The following KCTD6 variants were observed in gnomAD, a reference collection of about 807,000 sequenced individuals.
The protein encoded by KCTD6 is BTB/POZ domain-containing protein KCTD6.
KCTD6 carries 6 observed loss-of-function variants against 18.7 expected under a neutral mutation model. The ratio of observed to expected loss-of-function variants is 0.32; its 90% CI spans 0.18 to 0.63. The LOEUF (loss-of-function observed/expected upper bound fraction) is 0.63. Among genes scored for constraint, KCTD6 ranks in the 30% least tolerant of loss-of-function variants. The probability of loss-of-function intolerance (pLI) is 0.79; values close to 1 mark genes in which losing one functional copy is unlikely to be tolerated. For missense variants in KCTD6, 165 were observed against 300.2 expected (o/e 0.55, Z 3.33); for synonymous variants, 86 against 108.5 (o/e 0.79, Z 1.29).
chr3:58,499,034 ATCTT>A (rs1431850597), intron 2 of KCTD6, among the ~76,000 whole-genome samples: 1 of 151,696 alleles, frequency 6.6e-6, no homozygotes, highest in Non-Finnish European at 1.5e-5. Context: ...CAGTGGCGCG[ATCTT>A]GGCTCACTGC....
chr3:58,494,671 C>T (rs974031846), intron 1 of KCTD6, among the ~76,000 whole-genome samples: 3 of 152,114 alleles, frequency 2.0e-5, no homozygotes, highest in African/African-American at 7.2e-5. Flanking sequence ...ACCATTAGGC[C>T]TGTAATTGCA....
Position 58,501,698 on chromosome 3 carries a change from T to A in KCTD6, c.*66T>A, listed in dbSNP as rs1400356047. On this transcript the variant is annotated 3_prime_UTR_variant, in exon 3 of 3. Transcript: ENST00000404589. This position sits in a 1 kb window ranked among gnomAD's most constrained non-coding sequence, Gnocchi z 9.7. ...AAATGGAAGATACTGATTTTTTTTT[T>A]TAAATCACAGTGTGAGATATTTTTT... 4 of 1,089,326 alleles carry A rather than the reference T, an allele frequency of 3.7e-6. No individual in the cohort carries two copies. Among genetic ancestry groups the A allele is most frequent in the Non-Finnish European group, 4.8e-6 (4 of 836,974 alleles). 67.5% of individuals were successfully genotyped at this position (1,089,326 alleles called of 1,614,324 possible).
In KCTD6 at chr3:58,496,051, G is replaced by A. The variant is rs1218335640; in HGVS notation, c.-43-2662G>A. ...CTCATTTAATCATTTGGATATTCAC[G>A]GATTGGAGTTCTTTATGTCACTACA... On this transcript the variant is annotated intron_variant, in intron 1 of 2. Transcript: ENST00000404589. This position sits in a 1 kb window ranked among gnomAD's most constrained non-coding sequence, Gnocchi z 5.1. 6.6e-6 allele frequency among the ~76,000 whole-genome samples: 1 copy of A among 151,894 alleles called. No homozygotes were observed. Among genetic ancestry groups the A allele is most frequent in the East Asian group, 1.9e-4 (1 of 5,190 alleles).
At chr3:58,499,434 C>G (rs535476428) in intron 2 of KCTD6, among the ~76,000 whole-genome samples, 2 of 152,032 alleles carry the variant, frequency 1.3e-5, no homozygotes, top group Middle Eastern at 3.4e-3. Context: ...CTTCTCCCCA[C>G]TTGCATTTTT....
At position 58,497,371 on chromosome 3, in the gene KCTD6, C is replaced by T. The variant is rs2107975021; in HGVS notation, c.-43-1342C>T. 6.6e-6 allele frequency among the ~76,000 whole-genome samples: 1 copy of T among 152,340 alleles called. No individual in the cohort carries two copies. Among genetic ancestry groups the T allele is most frequent in the Admixed American group, 6.5e-5 (1 of 15,308 alleles). ...TCTGGGAATTCTGTGCCAGATTCCT[C>T]TAAAAGTGGGAAAAGTGAATCTGTT... On this transcript the variant is annotated intron_variant, in intron 1 of 2. Coordinates refer to ENST00000404589, the MANE Select transcript of KCTD6 (RefSeq NM_001128214.2). This position sits in a 1 kb window ranked among gnomAD's most constrained non-coding sequence, Gnocchi z 4.2.
At position 58,496,092 on chromosome 3, in the gene KCTD6, G is replaced by A. The variant is rs566431526; in HGVS notation, c.-43-2621G>A. ...TGTCACTACAGACAGGACAGCAACC[G>A]TTATTCACACTAGTTGAATGGGTTC... On this transcript the variant is annotated intron_variant, in intron 1 of 2. Transcript: ENST00000404589. This position sits in a 1 kb window ranked among gnomAD's most constrained non-coding sequence, Gnocchi z 5.1. 1.8e-4 allele frequency among the ~76,000 whole-genome samples: 27 copies of A among 150,612 alleles called. No individual in the cohort carries two copies. In the South Asian group the frequency reaches 4.5e-3, roughly 25 times the overall value.
At position 58,492,574 on chromosome 3, in the gene KCTD6, G is replaced by C. The variant is rs2107972128; in HGVS notation, c.-44+405G>C. Among the ~76,000 whole-genome samples, 1 of 152,262 alleles carries C rather than the reference G, an allele frequency of 6.6e-6. No individual in the cohort carries two copies. Among genetic ancestry groups the C allele is most frequent in the East Asian group, 1.9e-4 (1 of 5,178 alleles). ...AGATATTTGGGGTGTGCTCGAAAAT[G>C]ATTGTTTTTGGGAGATGGCGCTTAT... On this transcript the variant is annotated intron_variant, in intron 1 of 2. Coordinates refer to ENST00000404589, the MANE Select transcript of KCTD6 (RefSeq NM_001128214.2). This position sits in a 1 kb window ranked among gnomAD's most constrained non-coding sequence, Gnocchi z 6.1.
chr3:58,497,663 C>T lies in KCTD6; in HGVS notation c.-43-1050C>T, dbSNP rs955751468. 1 of 152,202 alleles carries T rather than the reference C, an allele frequency of 6.6e-6. No homozygotes were observed. Among genetic ancestry groups the T allele is most frequent in the African/African-American group, 2.4e-5 (1 of 41,444 alleles). 9.4% of individuals were successfully genotyped at this position (152,202 alleles called of 1,614,324 possible). On this transcript the variant is annotated intron_variant, in intron 1 of 2. Transcript: ENST00000404589. The surrounding 1 kb of genome is among the most constrained non-coding windows in gnomAD (Gnocchi z 4.2). ...ATTTCTCAGTGTCTTAAGGCTGGCTCTCCATGAGTGCTGGCTGATTGACTC... is the reference window on the plus strand; with the variant it reads ...ATTTCTCAGTGTCTTAAGGCTGGCTTTCCATGAGTGCTGGCTGATTGACTC...
At chr3:58,494,899 T>G (rs977984644) in intron 1 of KCTD6, among the ~76,000 whole-genome samples, 2 of 152,236 alleles carry the variant, frequency 1.3e-5, no homozygotes, top group African/African-American at 2.4e-5. Context: ...CACAATAACC[T>G]TTGAAGCTTA....
chr3:58,494,128 T>C (rs984824730), intron 1 of KCTD6: 6 of 152,240 alleles, frequency 3.9e-5, no homozygotes, highest in Non-Finnish European at 7.3e-5. Context: ...AGGTCACTTT[T>C]AAACCTATAG....
At position 58,497,406 on chromosome 3, in the gene KCTD6, C is replaced by T. The variant is rs1408516284; in HGVS notation, c.-43-1307C>T. On this transcript the variant is annotated intron_variant, in intron 1 of 2. Transcript: ENST00000404589. The surrounding 1 kb of genome is among the most constrained non-coding windows in gnomAD (Gnocchi z 4.2). ...GAAAAGTGAATCTGTTAAAGGACCA[C>T]GTAAAAAAGCCAGTGCTTTTCCTGG... Among the ~76,000 whole-genome samples, 1 of 152,186 alleles carries T rather than the reference C, an allele frequency of 6.6e-6. No homozygotes were observed. Among genetic ancestry groups the T allele is most frequent in the Non-Finnish European group, 1.5e-5 (1 of 68,036 alleles).
Position 58,501,558 on chromosome 3 carries a change from A to T in KCTD6, c.640A>T (p.Ser214Cys). 1 of 1,463,582 alleles carries T rather than the reference A, an allele frequency of 6.8e-7. No homozygotes were observed. Among genetic ancestry groups the T allele is most frequent in the Non-Finnish European group, 9.0e-7 (1 of 1,108,726 alleles). 90.7% of individuals were successfully genotyped at this position (1,463,582 alleles called of 1,614,324 possible). A position where few individuals can be genotyped will look rare whatever the true frequency, so the allele number is the denominator to read the frequency against. Residue 214 changes from serine to cysteine, a missense_variant, in exon 3 of 3, where the codon AGT (serine) becomes TGT (cysteine). By Grantham distance (112) the Ser-to-Cys change is moderately radical. Around this residue, in one of 2 missense-constraint regions of KCTD6, gnomAD observed 106 missense variants for 230.4 expected, o/e 0.46. Transcript: ENST00000404589. This position sits in a 1 kb window ranked among gnomAD's most constrained non-coding sequence, Gnocchi z 9.7. The part of the protein sequence containing the change: ...TIRNTRVHHM[S>C]ERANENTVEH... ...CCGCAACACCCGGGTGCATCACATG[A>T]GTGAGCGGGCCAATGAAAACACAGT...
rs1372372905 is a variant in KCTD6 at position 58,492,546 on chromosome 3, C to T, written c.-44+377C>T. On this transcript the variant is annotated intron_variant, in intron 1 of 2. Transcript: ENST00000404589. The surrounding 1 kb of genome is among the most constrained non-coding windows in gnomAD (Gnocchi z 6.1). ...GGGCAGCAGCGAAGGGCGGCCCGGA[C>T]GGAGATATTTGGGGTGTGCTCGAAA... 6.6e-6 allele frequency among the ~76,000 whole-genome samples: 1 copy of T among 151,946 alleles called. No individual in the cohort carries two copies. Among genetic ancestry groups the T allele is most frequent in the Non-Finnish European group, 1.5e-5 (1 of 67,936 alleles).
rs1193283996 is a variant in KCTD6 at position 58,493,650 on chromosome 3, A to T, written c.-44+1481A>T. On this transcript the variant is annotated intron_variant, in intron 1 of 2. Transcript: ENST00000404589. The surrounding 1 kb of genome is among the most constrained non-coding windows in gnomAD (Gnocchi z 4.5). The stretch of plus-strand genomic sequence containing the variant: ...GGAGGACCTGGGGAGATTTGAAGCA[A>T]ATTAAGAGGCTGCCTCCTCCATATT... Among the ~76,000 whole-genome samples the T allele has an allele frequency of 6.6e-6, 1 of 152,202 alleles. No individual in the cohort carries two copies. Among genetic ancestry groups the T allele is most frequent in the Non-Finnish European group, 1.5e-5 (1 of 68,034 alleles).
In KCTD6 at chr3:58,501,401, C is replaced by T. The variant is rs1223022487; in HGVS notation, c.483C>T (p.Thr161=). ...TAGAAGGCATCTCAAATTATTTTAC[C>T]AAGTGGAATAAGCACATGATGGACA... ...SLLEGISNYF[T]KWNKHMMDTR... Residue 161 remains threonine, a synonymous_variant, in exon 3 of 3, where the codon ACC becomes ACT. Coordinates refer to ENST00000404589, the MANE Select transcript of KCTD6 (RefSeq NM_001128214.2). This position sits in a 1 kb window ranked among gnomAD's most constrained non-coding sequence, Gnocchi z 9.7. 1.9e-6 allele frequency: 3 copies of T among 1,579,284 alleles called. No individual in the cohort carries two copies. The highest frequency in any genetic ancestry group is 2.6e-6 in the Non-Finnish European group (3 of 1,165,756).
rs1012657825 is a variant in KCTD6, at chr3:58,496,829, A to G, written c.-43-1884A>G. Among the ~76,000 whole-genome samples the G allele has an allele frequency of 6.6e-6, 1 of 152,200 alleles. No homozygotes were observed. ...CTCCACTCCATAGGTGACCCACAAT[A>G]ATTGTTGGCTGAATGAATGATTATT... On this transcript the variant is annotated intron_variant, in intron 1 of 2. Transcript: ENST00000404589. The surrounding 1 kb of genome is among the most constrained non-coding windows in gnomAD (Gnocchi z 5.1).
Position 58,492,730 on chromosome 3 carries a change from G to GT in KCTD6, c.-44+566dup, listed in dbSNP as rs2063160530. ...CCTAGATTTGTGTGTGTGTGGTGGC[G>GT]TTTTTAATGCTTGATGTCAGAGGTG... is the stretch of plus-strand genomic sequence containing the variant. On this transcript the variant is annotated intron_variant, in intron 1 of 2. Transcript: ENST00000404589. This position sits in a 1 kb window ranked among gnomAD's most constrained non-coding sequence, Gnocchi z 6.1. 6.6e-6 allele frequency among the ~76,000 whole-genome samples: 1 copy of GT among 152,130 alleles called. No homozygotes were observed. The highest frequency in any genetic ancestry group is 2.1e-4 in the South Asian group (1 of 4,822).
At position 58,501,826 on chromosome 3, in the gene KCTD6, C is replaced by T. The variant is rs1469712113; in HGVS notation, c.*194C>T. 4.6e-5 allele frequency: 18 copies of T among 390,826 alleles called. No individual in the cohort carries two copies. 24.2% of individuals were successfully genotyped at this position (390,826 alleles called of 1,614,324 possible). A position where few individuals can be genotyped will look rare whatever the true frequency, so the allele number is the denominator to read the frequency against. On this transcript the variant is annotated 3_prime_UTR_variant, in exon 3 of 3. Coordinates refer to ENST00000404589, the MANE Select transcript of KCTD6 (RefSeq NM_001128214.2). This position sits in a 1 kb window ranked among gnomAD's most constrained non-coding sequence, Gnocchi z 9.7. ...TTTTGTTCCCTTCCCCCTGAGTATG[C>T]ATGTGCCTGTTCAGAGTCTCCAGAT...
chr3:58,495,712 T>G (rs2063172449), intron 1 of KCTD6, among the ~76,000 whole-genome samples: 1 of 152,228 alleles, frequency 6.6e-6, no homozygotes, highest in South Asian at 2.1e-4. Flanking sequence ...TTTTGATGTA[T>G]CTTATACACA....
Sources: gnomAD v4.1 joint callset for allele counts (sites outside exome capture counted in the v4.1 genomes callset) on GRCh38, gnomAD v4.1.1 for gene constraint, gnomAD v4.1.1 regional missense constraint, Gnocchi (gnomAD v3.1) non-coding constraint, MANE v1.5 for transcripts, NCBI Gene and HGNC (gene_info 2026-07-23, HGNC 2026-07-21) for gene names.